Variants in PLA2G4E observed in about 807,000 individuals in gnomAD.
The protein encoded by PLA2G4E is cytosolic phospholipase A2 epsilon.
A neutral mutation model predicts 109.1 loss-of-function variants in PLA2G4E; 84 were observed. The ratio of observed to expected loss-of-function variants is 0.77; its 90% CI spans 0.65 to 0.92. The LOEUF is 0.92. Ranked by LOEUF, PLA2G4E falls within the 40% of genes least tolerant of loss-of-function variation. PLA2G4E has a pLI of 0.00. For missense variants in PLA2G4E, 1,057 were observed against 1,076.6 expected, an observed-to-expected ratio of 0.98 and a Z score of 0.25; for synonymous variants, 469 against 436.1, an observed-to-expected ratio of 1.08 and a Z score of -0.94.
At chr15:42,001,479 C>T (rs1333562459) in intron 6 of PLA2G4E, among the ~76,000 whole-genome samples, 2 of 152,178 alleles carry the variant, frequency 1.3e-5, no homozygotes, top group African/African-American at 4.8e-5. Flanking sequence ...GGGGTCAGGT[C>T]CTCAGCTGCA....
At chr15:41,990,054 G>A (rs2068216388) in intron 14 of PLA2G4E, 67 bp downstream of exon 14, 1 of 1,226,824 alleles carries the variant, frequency 8.2e-7, no homozygotes, top group African/African-American at 1.5e-5. Context: ...GGAGGTGCTG[G>A]GTGCTTTTGC....
chr15:42,004,417 G>GC lies in PLA2G4E; in HGVS notation c.566+520_566+521insG, dbSNP rs1378630853. 7.4e-3 allele frequency among the ~76,000 whole-genome samples: 658 copies of GC among 89,230 alleles called. 5 individuals are homozygous for GC. The highest frequency in any genetic ancestry group is 0.022 in the Middle Eastern group (4 of 180). The allele number at this position is 89,230 out of a possible 152,430, so 58.5% of individuals were successfully genotyped here. A position where few individuals can be genotyped will look rare whatever the true frequency, so the allele number is the denominator to read the frequency against. On this transcript the variant is annotated intron_variant, in intron 5 of 19. Coordinates refer to ENST00000399518, the Ensembl canonical transcript of PLA2G4E. ...GGGAGGGAGGGAGGAAAGAAGGAAG[G>GC]AAGGCAGGCAGGCAAGAAAGAAGAT...
At chr15:41,988,951 G>T (rs189440053) in intron 15 of PLA2G4E, among the ~76,000 whole-genome samples, 3 of 152,216 alleles carry the variant, frequency 2.0e-5, no homozygotes, top group African/African-American at 7.2e-5. Context: ...TTTGACGGGC[G>T]CAGCTAAGAC....
chr15:42,044,621 C>A (rs556451850), intron 1 of PLA2G4E, among the ~76,000 whole-genome samples: 1 of 89,992 alleles, frequency 1.1e-5, no homozygotes, highest in Non-Finnish European at 2.0e-5. Flanking sequence ...ACATCACACA[C>A]TGGGGCCTGT....
At chr15:41,995,172 A>G (rs76214930) in intron 12 of PLA2G4E, among the ~76,000 whole-genome samples, 188 bp downstream of exon 12, 2,427 of 152,384 alleles carry the variant, frequency 0.016, 60 homozygotes, top group African/African-American at 0.055. Flanking sequence ...CACTGTGCAG[A>G]TACACAAGCC....
chr15:41,992,669 CCT>C (rs138220482), intron 13 of PLA2G4E, 66 bp downstream of exon 13: 82,310 of 1,494,308 alleles, frequency 0.055, 3,292 homozygotes, highest in Admixed American at 0.22. Flanking sequence ...TCCTGACTCC[CCT>C]GAGGAAGAAA....
chr15:41,987,451 G>A (rs1399502255), intron 16 of PLA2G4E, 76 bp from the exon 17 acceptor site: 16 of 1,415,514 alleles, frequency 1.1e-5, no homozygotes, highest in Non-Finnish European at 1.5e-5. Flanking sequence ...GCCCCACATG[G>A]TTGCCTGGCA....
At chr15:42,031,487 C>G (rs1178552813) in intron 1 of PLA2G4E, among the ~76,000 whole-genome samples, 3 of 152,116 alleles carry the variant, frequency 2.0e-5, no homozygotes, top group Non-Finnish European at 4.4e-5. Context: ...TGGCACTTTC[C>G]CATTTTTCCT....
chr15:42,036,267 G>A (rs928835223), intron 1 of PLA2G4E, among the ~76,000 whole-genome samples: 2 of 152,026 alleles, frequency 1.3e-5, no homozygotes, highest in Non-Finnish European at 2.9e-5. Context: ...GGGCCAGGTC[G>A]CCCGCTGGCA....
chr15:42,001,300 G>T, intron 6 of PLA2G4E, 80 bp from the exon 7 acceptor site: 1 of 1,321,404 alleles, frequency 7.6e-7, no homozygotes, highest in South Asian at 1.2e-5. Context: ...GGAGATGAGG[G>T]ACCAGAGGAT....
chr15:41,990,308 C>T, intron 13 of PLA2G4E, 73 bp from the exon 14 acceptor site: 1 of 1,340,194 alleles, frequency 7.5e-7, no homozygotes, highest in African/African-American at 1.4e-5. Context: ...AATGAGAAGA[C>T]AATCTGGACC....
At chr15:41,999,434 G>A (rs2068389263) in intron 10 of PLA2G4E, 90 bp downstream of exon 10, 1 of 934,664 alleles carries the variant, frequency 1.1e-6, no homozygotes. Flanking sequence ...TAGCCATAGG[G>A]GAAATGCAAA....
exon 11 of PLA2G4E, chr15:41,997,132 C>T: frequency 3.2e-6 from 5 of 1,567,962 alleles, no homozygotes; most frequent in Non-Finnish European, 4.3e-6. Context: ...ACCTCGTCCT[C>T]CTGCAGGTCT....
intron 2 of PLA2G4E, among the ~76,000 whole-genome samples, chr15:42,008,109 C>T (rs2068495908): frequency 6.6e-6 from 1 of 152,224 alleles, no homozygotes; most frequent in African/African-American, 2.4e-5. Context: ...GCCTCCGGCT[C>T]TTATTAGAAG....
At chr15:42,013,816 C>T (rs892055810) in intron 1 of PLA2G4E, 59 bp from the exon 2 acceptor site, 8 of 1,385,652 alleles carry the variant, frequency 5.8e-6, no homozygotes, top group South Asian at 3.9e-5. Context: ...GCCATTGCCC[C>T]GGGGGAGACT....
In PLA2G4E at chr15:41,994,803, G is replaced by A. The variant is rs557881997; in HGVS notation, c.1247+557C>T. Among the ~76,000 whole-genome samples, 69 of 152,330 alleles carry A rather than the reference G, an allele frequency of 4.5e-4. 1 individual carries two copies. In the South Asian group the frequency reaches 5.8e-3, roughly 13 times the overall value. ...TTCTTCAACCTATAAGTTTGTTAAT[G>A]AAATGATCCTGATTTTAAAAGAAAT... On this transcript the variant is annotated intron_variant, in intron 12 of 19. Transcript: ENST00000399518.
chr15:41,995,552 G>A, intron 11 of PLA2G4E, 56 bp from the exon 12 acceptor site: 1 of 1,594,872 alleles, frequency 6.3e-7, no homozygotes, highest in South Asian at 1.1e-5. Context: ...AAGCTTGGGA[G>A]AAGACTTAGA....
At chr15:42,010,389 GAAA>G (rs2068524459) in intron 2 of PLA2G4E, 1 of 254,724 alleles carries the variant, frequency 3.9e-6, no homozygotes. Flanking sequence ...TTAAGATAAA[GAAA>G]TATTCCTGGC....
chr15:42,029,460 G>C (rs1416471597), intron 1 of PLA2G4E, among the ~76,000 whole-genome samples: 2 of 152,070 alleles, frequency 1.3e-5, no homozygotes, highest in Non-Finnish European at 2.9e-5. Flanking sequence ...TAAAACTTGT[G>C]GCCTCTGGTT....
Sources: allele counts gnomAD v4.1 joint callset (sites outside exome capture counted in the v4.1 genomes callset), GRCh38; gene constraint gnomAD v4.1.1; transcripts MANE v1.5; gene names NCBI Gene and HGNC (gene_info 2026-07-23, HGNC 2026-07-21).